The following KLHL1 variants were observed in gnomAD, a reference collection of about 807,000 sequenced individuals.
KLHL1 encodes kelch like family member 1.
KLHL1 carries 47 observed loss-of-function variants against 77.7 expected under a neutral mutation model. The observed-to-expected ratio is 0.60, with a 90% CI of 0.48 to 0.77. The LOEUF (loss-of-function observed/expected upper bound fraction) is 0.77, where lower values mean the gene tolerates loss of function less well. Among genes scored for constraint, KLHL1 ranks in the 30% least tolerant of loss-of-function variants. The pLI is 0.00. For missense variants in KLHL1, 925 were observed against 910.8 expected, an observed-to-expected ratio of 1.02 and a Z score of -0.20; for synonymous variants, 360 against 325.2, an observed-to-expected ratio of 1.11 and a Z score of -1.15.
At chr13:70,012,901 TA>T (rs5804457) in intron 1 of KLHL1, among the ~76,000 whole-genome samples, 11 of 150,262 alleles carry the variant, frequency 7.3e-5, no homozygotes, top group East Asian at 1.9e-4. Flanking sequence ...AGATTCTGTA[TA>T]AAAAAAATAA....
intron 7 of KLHL1, among the ~76,000 whole-genome samples, chr13:69,795,920 CAA>C (rs1877083658): frequency 2.0e-5 from 3 of 152,326 alleles, no homozygotes; most frequent in Admixed American, 2.0e-4. Context: ...CAATTAGGTT[CAA>C]AGACATAGAT....
chr13:70,057,993 A>G (rs1886791070), intron 1 of KLHL1, among the ~76,000 whole-genome samples: 1 of 152,102 alleles, frequency 6.6e-6, no homozygotes, highest in African/African-American at 2.4e-5. Flanking sequence ...CAAAAACCAT[A>G]TCATAATTTC....
chr13:69,844,660 A>G (rs897383996), intron 5 of KLHL1, among the ~76,000 whole-genome samples: 2 of 151,702 alleles, frequency 1.3e-5, no homozygotes, highest in Non-Finnish European at 2.9e-5. Flanking sequence ...CAATTTGATC[A>G]TAATTTTATT....
chr13:69,775,616 T>C (rs1875787811), intron 7 of KLHL1, among the ~76,000 whole-genome samples: 1 of 152,128 alleles, frequency 6.6e-6, no homozygotes, highest in Non-Finnish European at 1.5e-5. Context: ...TTCAAAAATA[T>C]TATCTTTTGT....
chr13:69,882,412 A>T lies in KLHL1; in HGVS notation c.1098T>A (p.Asp366Glu), dbSNP rs772586978. The T allele has an allele frequency of 1.9e-5, 30 of 1,613,660 alleles. No homozygotes were observed. The highest frequency in any genetic ancestry group is 2.5e-5 in the Non-Finnish European group (30 of 1,179,554). Residue 366 changes from aspartate (D) to glutamate (E), a missense_variant, in exon 5 of 11, where the codon GAT (aspartate) becomes GAA (glutamate). By Grantham distance (45) the Asp-to-Glu change is conservative. Coordinates refer to ENST00000377844, the MANE Select transcript of KLHL1 (RefSeq NM_020866.3). ...EELHKLLASD[D>E]VNVPDEETIF... ...TGGTTTCTTCATCAGGAACATTGAC[A>T]TCATCACTGGCCAGTAGTTTATGGA...
intron 1 of KLHL1, among the ~76,000 whole-genome samples, chr13:70,074,662 C>T (rs1429224355): frequency 6.6e-6 from 1 of 151,226 alleles, no homozygotes; most frequent in African/African-American, 2.4e-5. Flanking sequence ...ATGTAGTAGG[C>T]AACATTTTCC....
intron 4 of KLHL1, among the ~76,000 whole-genome samples, chr13:69,886,251 A>G (rs1474673677): frequency 6.6e-6 from 1 of 152,166 alleles, no homozygotes; most frequent in Non-Finnish European, 1.5e-5. Context: ...TTCATAAGAC[A>G]GGATAGCTAC....
intron 1 of KLHL1, among the ~76,000 whole-genome samples, chr13:70,032,127 TTTAAA>T (rs542261788): frequency 6.6e-6 from 1 of 152,194 alleles, no homozygotes; most frequent in Non-Finnish European, 1.5e-5. Context: ...ATTGTAAACA[TTTAAA>T]AGTATATCAT....
chr13:69,998,879 C>G (rs912540967), intron 1 of KLHL1, among the ~76,000 whole-genome samples: 3 of 151,976 alleles, frequency 2.0e-5, no homozygotes, highest in East Asian at 1.9e-4. Context: ...TTTTGTGTCT[C>G]TAGAGCTGAG....
chr13:69,997,669 T>A (rs915115693), intron 1 of KLHL1, among the ~76,000 whole-genome samples: 2 of 101,788 alleles, frequency 2.0e-5, no homozygotes, highest in Admixed American at 1.1e-4. Context: ...TAATATATTA[T>A]ATATAATATT....
At chr13:69,773,698 C>G (rs1875687832) in intron 7 of KLHL1, among the ~76,000 whole-genome samples, 1 of 151,790 alleles carries the variant, frequency 6.6e-6, no homozygotes, top group Non-Finnish European at 1.5e-5. Context: ...AAATGACACT[C>G]TACAATTAAA....
chr13:69,934,962 GTATATATATATA>G (rs67195697), intron 4 of KLHL1, among the ~76,000 whole-genome samples: 71 of 129,800 alleles, frequency 5.5e-4, no homozygotes, highest in African/African-American at 2.0e-3. Context: ...GTGTGCATGT[GTATATATATATA>G]TATATATATA....
At chr13:70,012,265 T>C (rs1885552990) in intron 1 of KLHL1, among the ~76,000 whole-genome samples, 1 of 152,172 alleles carries the variant, frequency 6.6e-6, no homozygotes, top group Non-Finnish European at 1.5e-5. Context: ...GTTTATATTT[T>C]TATTTTTATT....
chr13:69,936,239 T>C (rs1593965359), intron 4 of KLHL1, among the ~76,000 whole-genome samples: 1 of 151,994 alleles, frequency 6.6e-6, no homozygotes, highest in Non-Finnish European at 1.5e-5. Flanking sequence ...GCATCTAACA[T>C]TGAGGAAAAA....
intron 5 of KLHL1, among the ~76,000 whole-genome samples, chr13:69,866,596 A>T (rs8001406): frequency 0.32 from 48,473 of 151,960 alleles, 8,246 homozygotes; most frequent in African/African-American, 0.45. Flanking sequence ...GTTAGAGTTA[A>T]GTTCATTTTT....
At chr13:69,816,550 G>T (rs945525213) in intron 6 of KLHL1, among the ~76,000 whole-genome samples, 13 of 151,848 alleles carry the variant, frequency 8.6e-5, no homozygotes, top group Admixed American at 5.9e-4. Flanking sequence ...CAGGCACCGT[G>T]CCTGGCCTGG....
chr13:69,752,868 A>G (rs1320755241), intron 7 of KLHL1, among the ~76,000 whole-genome samples: 1 of 152,180 alleles, frequency 6.6e-6, no homozygotes, highest in Non-Finnish European at 1.5e-5. Flanking sequence ...GCTCACTCAT[A>G]ACTGAATACA....
chr13:69,768,542 G>T (rs74638111), intron 7 of KLHL1, among the ~76,000 whole-genome samples: 2 of 151,898 alleles, frequency 1.3e-5, no homozygotes, highest in Middle Eastern at 3.2e-3. Flanking sequence ...ATGTGGAAAG[G>T]GTTGTACAAT....
chr13:69,991,363 G>A (rs535947989), intron 1 of KLHL1, among the ~76,000 whole-genome samples: 7 of 151,534 alleles, frequency 4.6e-5, no homozygotes, highest in Non-Finnish European at 8.9e-5. Context: ...AACAGATCTA[G>A]GAGTTGGTTC....
Sources: allele counts gnomAD v4.1 joint callset (sites outside exome capture counted in the v4.1 genomes callset), GRCh38; gene constraint gnomAD v4.1.1; transcripts MANE v1.5; gene names NCBI Gene and HGNC (gene_info 2026-07-23, HGNC 2026-07-21).